WNT2: variants seen among roughly 807,000 people sequenced by gnomAD.
The protein encoded by WNT2 is protein Wnt-2.
Under a neutral mutation model 36.9 loss-of-function variants are expected in WNT2, and 12 were observed. That is an observed-to-expected ratio of 0.33 (90% CI 0.21 to 0.53). The LOEUF (loss-of-function observed/expected upper bound fraction) is 0.53. Ranked by LOEUF, WNT2 falls within the 20% of genes least tolerant of loss-of-function variation. The pLI is 0.95. For synonymous variants in WNT2, 163 were observed against 174.6 expected, an observed-to-expected ratio of 0.93 and a Z score of 0.52; for missense variants, 379 against 473.1, an observed-to-expected ratio of 0.80 and a Z score of 1.84.
intron 1 of WNT2, among the ~76,000 whole-genome samples, chr7:117,321,669 C>CA (rs1795328810): frequency 6.6e-6 from 1 of 152,122 alleles, no homozygotes; most frequent in Admixed American, 6.5e-5. Flanking sequence ...AAAATCGTTA[C>CA]AGCTGTGACT....
At position 117,320,753 on chromosome 7, in the gene WNT2, C is replaced by T. The variant is rs753689426; in HGVS notation, c.124G>A (p.Asp42Asn). 9.3e-6 allele frequency: 15 copies of T among 1,613,282 alleles called. No individual in the cohort carries two copies. The highest frequency in any genetic ancestry group is 4.4e-5 in the South Asian group (4 of 90,942). ...CTGCTCACCAGGCCTGGCACATTAT[C>T]GCACATCACCCTGGAGGAGCCACCT... ...ATGGSSRVMC[D>N]NVPGLVSSQR... is the part of the protein sequence containing the mutation. Residue 42 changes from aspartate to asparagine, a missense_variant, in exon 2 of 5, where the codon GAT becomes AAT. Physicochemically the swap from Asp to Asn is conservative, Grantham distance 23. Transcript: ENST00000265441.
chr7:117,321,033 G>T (rs977562448), intron 1 of WNT2, among the ~76,000 whole-genome samples: 1 of 152,350 alleles, frequency 6.6e-6, no homozygotes, highest in Non-Finnish European at 1.5e-5. Context: ...CTGTCTGTTG[G>T]ACATGAAGCT....
chr7:117,282,842 C>T (rs948286176), intron 4 of WNT2, among the ~76,000 whole-genome samples: 1 of 152,152 alleles, frequency 6.6e-6, no homozygotes, highest in African/African-American at 2.4e-5. Flanking sequence ...GAGACCAATA[C>T]AGACTCTGGG....
chr7:117,280,591 A>G lies in WNT2; in HGVS notation c.854-2207T>C, dbSNP rs143648192. 3.8e-3 allele frequency among the ~76,000 whole-genome samples: 573 copies of G among 152,350 alleles called. 4 individuals carry two copies. The highest frequency in any genetic ancestry group is 0.013 in the African/African-American group (531 of 41,580). On this transcript the variant is annotated intron_variant, in intron 4 of 4. Transcript: ENST00000265441. ...CAAAGCACCACAGCAAACAGAGCTC[A>G]AAGACAGTCAAATGAGGTTATTTAG...
In WNT2 at chr7:117,278,298, C is replaced by T. The variant is rs756214495; in HGVS notation, c.940G>A (p.Asp314Asn). Residue 314 changes from aspartate to asparagine, a missense_variant, in exon 5 of 5, where the codon GAC (aspartate) becomes AAC (asparagine). Physicochemically the swap from Asp to Asn is conservative, Grantham distance 23. Coordinates refer to ENST00000265441, the MANE Select transcript of WNT2 (RefSeq NM_003391.3). ...GTCATCCGGGTGACATGGGAGGTGT[C>T]GTAGCCTCTCCCACAGCACATGACT... ...CEVMCCGRGYDTSHVTRMTKC... is the reference protein window; with the variant it reads ...CEVMCCGRGYNTSHVTRMTKC... 20 of 1,614,092 alleles carry T rather than the reference C, an allele frequency of 1.2e-5. No individual in the cohort carries two copies. Among genetic ancestry groups the T allele is most frequent in the South Asian group, 2.2e-5 (2 of 91,082 alleles).
intron 4 of WNT2, among the ~76,000 whole-genome samples, chr7:117,296,242 G>A (rs529926169): frequency 4.6e-5 from 7 of 152,310 alleles, no homozygotes; most frequent in African/African-American, 1.7e-4. Context: ...AGCATGTCAG[G>A]AATGCAGCGG....
intron 4 of WNT2, among the ~76,000 whole-genome samples, chr7:117,285,133 C>T (rs969862819): frequency 1.3e-5 from 2 of 152,164 alleles, no homozygotes; most frequent in African/African-American, 4.8e-5. Flanking sequence ...GGGGAGAGGG[C>T]CTTTTTCTTC....
At chr7:117,320,902 T>C in intron 1 of WNT2, 109 bp from the exon 2 acceptor site, 1 of 947,910 alleles carries the variant, frequency 1.1e-6, no homozygotes, top group Non-Finnish European at 1.6e-6. Flanking sequence ...TATGAATTCC[T>C]TATCCTTCTG....
At chr7:117,310,294 G>A (rs1246316570) in intron 3 of WNT2, among the ~76,000 whole-genome samples, 3 of 152,084 alleles carry the variant, frequency 2.0e-5, no homozygotes, top group Admixed American at 6.6e-5. Flanking sequence ...GCTGGGTGCC[G>A]TGGCTCAAGG....
In WNT2 at chr7:117,322,817, C is replaced by CG; in HGVS notation, c.83+89dup. 1 of 1,365,774 alleles carries CG rather than the reference C, an allele frequency of 7.3e-7. No individual in the cohort carries two copies. The highest frequency in any genetic ancestry group is 1.0e-6 in the Non-Finnish European group (1 of 966,222). The allele number at this position is 1,365,774 out of a possible 1,614,324, so 84.6% of individuals were successfully genotyped here. A position where few individuals can be genotyped will look rare whatever the true frequency, so the allele number is the denominator to read the frequency against. On this transcript the variant is annotated intron_variant, in intron 1 of 4. Coordinates refer to ENST00000265441, the MANE Select transcript of WNT2 (RefSeq NM_003391.3). The surrounding 1 kb of genome is among the most constrained non-coding windows in gnomAD (Gnocchi z 5.4). ...CCAGAATCCGAGACTGCTGCGGCCG[C>CG]GGGGGAACGCAGCCAGGAAGGGTCT...
intron 4 of WNT2, among the ~76,000 whole-genome samples, chr7:117,295,384 A>G (rs947726696): frequency 6.6e-6 from 1 of 152,252 alleles, no homozygotes; most frequent in Non-Finnish European, 1.5e-5. Flanking sequence ...AGGATTAAGA[A>G]AGAGAATTTC....
At chr7:117,282,761 A>C (rs1451865786) in intron 4 of WNT2, among the ~76,000 whole-genome samples, 2 of 152,210 alleles carry the variant, frequency 1.3e-5, no homozygotes, top group Non-Finnish European at 2.9e-5. Flanking sequence ...TTTGTGTTTC[A>C]GAAGGATCTC....
At chr7:117,288,609 CA>C (rs1332913376) in intron 4 of WNT2, among the ~76,000 whole-genome samples, 1 of 152,012 alleles carries the variant, frequency 6.6e-6, no homozygotes, top group Non-Finnish European at 1.5e-5. Flanking sequence ...TTCCAAAATA[CA>C]AAGATAAAAG....
chr7:117,322,073 A>G lies in WNT2; in HGVS notation c.83+834T>C, dbSNP rs1795340420. ...AAACTTTTAGGTGCAAGGAAATTAC[A>G]GGGCTATCAACTCTATCTCTTTCCA... is the stretch of plus-strand genomic sequence containing the variant. On this transcript the variant is annotated intron_variant, in intron 1 of 4. Coordinates refer to ENST00000265441, the MANE Select transcript of WNT2 (RefSeq NM_003391.3). The surrounding 1 kb of genome is among the most constrained non-coding windows in gnomAD (Gnocchi z 5.4). The G allele has an allele frequency of 6.6e-6, 1 of 152,316 alleles. No individual in the cohort carries two copies. Among genetic ancestry groups the G allele is most frequent in the South Asian group, 2.1e-4 (1 of 4,822 alleles). 9.4% of individuals were successfully genotyped at this position (152,316 alleles called of 1,614,324 possible). A position where few individuals can be genotyped will look rare whatever the true frequency, so the allele number is the denominator to read the frequency against.
chr7:117,321,089 G>A (rs1487327172), intron 1 of WNT2, among the ~76,000 whole-genome samples: 9 of 152,120 alleles, frequency 5.9e-5, no homozygotes, highest in East Asian at 1.9e-4. Flanking sequence ...AGGCAAAGTC[G>A]GCATTTGGGG....
intron 4 of WNT2, among the ~76,000 whole-genome samples, chr7:117,296,758 T>C (rs139264889): frequency 6.6e-6 from 1 of 152,128 alleles, no homozygotes; most frequent in East Asian, 1.9e-4. Context: ...CTGACAGAGC[T>C]GTTCTTTGAG....
intron 1 of WNT2, among the ~76,000 whole-genome samples, chr7:117,321,289 C>T (rs1399757033): frequency 1.3e-5 from 2 of 152,180 alleles, no homozygotes; most frequent in African/African-American, 4.8e-5. Flanking sequence ...AATCAACACC[C>T]GCTGGTATCT....
chr7:117,301,243 C>T (rs1794900517), intron 3 of WNT2, among the ~76,000 whole-genome samples: 1 of 152,096 alleles, frequency 6.6e-6, no homozygotes, highest in Admixed American at 6.5e-5. Flanking sequence ...GTTCAGTGCT[C>T]AATTGCAGTT....
intron 3 of WNT2, among the ~76,000 whole-genome samples, chr7:117,309,410 G>A (rs1182261732): frequency 6.6e-6 from 1 of 151,990 alleles, no homozygotes; most frequent in Non-Finnish European, 1.5e-5. Flanking sequence ...GATAGTGAGT[G>A]GAACTAGAAA....
Sources: allele counts gnomAD v4.1 joint callset (sites outside exome capture counted in the v4.1 genomes callset), GRCh38; gene constraint gnomAD v4.1.1; non-coding constraint Gnocchi (gnomAD v3.1); transcripts MANE v1.5; gene names NCBI Gene and HGNC (gene_info 2026-07-23, HGNC 2026-07-21).